Variants in GRIK2 observed in about 807,000 individuals in gnomAD.
GRIK2 encodes the protein glutamate ionotropic receptor kainate type subunit 2.
A neutral mutation model predicts 100.3 loss-of-function variants in GRIK2; 32 were observed. That is an observed-to-expected ratio of 0.32 (90% CI 0.24 to 0.43). The LOEUF (loss-of-function observed/expected upper bound fraction) is 0.43. Among genes scored for constraint, GRIK2 ranks in the 20% least tolerant of loss-of-function variants. The pLI, the probability that GRIK2 is intolerant of heterozygous loss-of-function variation, is 1.00. For missense variants in GRIK2, 843 were observed against 1,114.9 expected (o/e 0.76, Z 3.47); for synonymous variants, 417 against 389.4 (o/e 1.07, Z -0.83).
At chr6:101,932,588 T>A (rs1790360451) in intron 14 of GRIK2, among the ~76,000 whole-genome samples, 1 of 152,028 alleles carries the variant, frequency 6.6e-6, no homozygotes, top group African/African-American at 2.4e-5. Flanking sequence ...GAAGTTTTTT[T>A]TTTTTAAACT....
At chr6:101,976,534 A>T (rs913280595) in intron 14 of GRIK2, among the ~76,000 whole-genome samples, 1 of 151,878 alleles carries the variant, frequency 6.6e-6, no homozygotes, top group African/African-American at 2.4e-5. Flanking sequence ...TGTCTCTATA[A>T]AAATATTAGC....
intron 2 of GRIK2, among the ~76,000 whole-genome samples, chr6:101,522,045 C>T (rs1020271749): frequency 6.6e-6 from 1 of 151,968 alleles, no homozygotes; most frequent in Non-Finnish European, 1.5e-5. Context: ...CCTTAAGTTG[C>T]ATAACTGTAC....
At chr6:101,793,976 C>G (rs1176868733) in intron 7 of GRIK2, among the ~76,000 whole-genome samples, 3 of 152,158 alleles carry the variant, frequency 2.0e-5, no homozygotes, top group Non-Finnish European at 4.4e-5. Flanking sequence ...TCTGTGCTAG[C>G]AATCAGCGAG....
At chr6:101,692,282 C>A (rs1376039036) in intron 7 of GRIK2, among the ~76,000 whole-genome samples, 2 of 151,928 alleles carry the variant, frequency 1.3e-5, no homozygotes, top group Non-Finnish European at 2.9e-5. Context: ...ATTGGTGAAG[C>A]ATTTTGAAAA....
intron 9 of GRIK2, among the ~76,000 whole-genome samples, chr6:101,812,150 C>T (rs1200437352): frequency 6.6e-6 from 1 of 151,106 alleles, no homozygotes; most frequent in Non-Finnish European, 1.5e-5. Flanking sequence ...ACACAAAAAA[C>T]ATGAAGATAA....
intron 2 of GRIK2, among the ~76,000 whole-genome samples, chr6:101,465,055 T>C (rs1771569797): frequency 6.6e-6 from 1 of 152,220 alleles, no homozygotes; most frequent in African/African-American, 2.4e-5. Context: ...CAGGATAATA[T>C]CTGAAAGCGA....
intron 7 of GRIK2, among the ~76,000 whole-genome samples, chr6:101,737,146 A>G (rs913863484): frequency 6.6e-6 from 1 of 152,038 alleles, no homozygotes; most frequent in African/African-American, 2.4e-5. Flanking sequence ...AAGCCATTCA[A>G]CAAGTCTCTA....
intron 7 of GRIK2, among the ~76,000 whole-genome samples, chr6:101,719,008 T>C (rs1774262401): frequency 2.0e-5 from 3 of 151,974 alleles, no homozygotes; most frequent in Non-Finnish European, 4.4e-5. Context: ...TCTCAATATT[T>C]CCATCTTCTC....
chr6:101,833,485 G>A (rs367654812), intron 10 of GRIK2, among the ~76,000 whole-genome samples: 32 of 151,842 alleles, frequency 2.1e-4, no homozygotes, highest in South Asian at 4.2e-4. Flanking sequence ...CACCCACCTC[G>A]GCCTCCCAAA....
At chr6:101,738,842 A>G (rs1775846629) in intron 7 of GRIK2, among the ~76,000 whole-genome samples, 1 of 152,216 alleles carries the variant, frequency 6.6e-6, no homozygotes, top group Non-Finnish European at 1.5e-5. Flanking sequence ...AGTTTGAGAG[A>G]GAAGAAAGAC....
chr6:102,059,570 G>C (rs771320361), intron 16 of GRIK2, among the ~76,000 whole-genome samples: 2 of 150,862 alleles, frequency 1.3e-5, no homozygotes, highest in African/African-American at 4.8e-5. Context: ...GCTATAACAA[G>C]CTGCTTAATA....
chr6:101,429,049 A>G (rs1166859557), intron 2 of GRIK2, among the ~76,000 whole-genome samples: 2 of 152,230 alleles, frequency 1.3e-5, no homozygotes, highest in African/African-American at 4.8e-5. Flanking sequence ...ACCTGAGTCC[A>G]ACTTACTAAA....
chr6:101,929,222 T>C lies in GRIK2; in HGVS notation c.2085+590T>C, dbSNP rs184235335. Among the ~76,000 whole-genome samples, 11 of 152,128 alleles carry C rather than the reference T, an allele frequency of 7.2e-5. No individual in the cohort carries two copies. In the East Asian group the frequency reaches 2.1e-3, roughly 29 times the overall value. The stretch of plus-strand genomic sequence containing the variant: ...TAAATGAAAGTGTGCTTGTAAAAAG[T>C]TTCTGTCATATAGAGTGCCTTGCCC... On this transcript the variant is annotated intron_variant, in intron 14 of 16. Coordinates refer to ENST00000369134, the MANE Select transcript of GRIK2 (RefSeq NM_021956.5).
rs1415481 is a variant in GRIK2, at chr6:101,708,037, A to G, written c.951+21684A>G. 9.5e-3 allele frequency among the ~76,000 whole-genome samples: 1,449 copies of G among 151,834 alleles called. 17 individuals carry two copies. Among genetic ancestry groups the G allele is most frequent in the African/African-American group, 0.032 (1,314 of 41,494 alleles). ...AAGCAAAAATAATATATGGTTCCCA[A>G]TTGCTTTTCTGGGCATTGGGGATAC... On this transcript the variant is annotated intron_variant, in intron 7 of 16. Transcript: ENST00000369134.
chr6:101,957,230 A>G (rs1298430279), intron 14 of GRIK2, among the ~76,000 whole-genome samples: 1 of 149,442 alleles, frequency 6.7e-6, no homozygotes, highest in African/African-American at 2.5e-5. Flanking sequence ...TTTAATTTGC[A>G]TTTCTCTGAT....
At chr6:101,865,327 A>C (rs1490371995) in intron 11 of GRIK2, among the ~76,000 whole-genome samples, 1 of 152,190 alleles carries the variant, frequency 6.6e-6, no homozygotes, top group Non-Finnish European at 1.5e-5. Flanking sequence ...CAAGCCTTTT[A>C]TGATTCATAA....
At chr6:101,778,254 C>T (rs1053474437) in intron 7 of GRIK2, among the ~76,000 whole-genome samples, 1 of 152,010 alleles carries the variant, frequency 6.6e-6, no homozygotes, top group African/African-American at 2.4e-5. Flanking sequence ...GTTTAATTTG[C>T]TAGGATTCTA....
chr6:101,604,224 A>G (rs1779350272), intron 2 of GRIK2, among the ~76,000 whole-genome samples: 1 of 151,728 alleles, frequency 6.6e-6, no homozygotes, highest in African/African-American at 2.4e-5. Flanking sequence ...ATACCATTTG[A>G]AAACTCTGCT....
chr6:101,946,544 T>C (rs1188332255), intron 14 of GRIK2, among the ~76,000 whole-genome samples: 1 of 152,082 alleles, frequency 6.6e-6, no homozygotes, highest in Non-Finnish European at 1.5e-5. Flanking sequence ...AAGAAACATT[T>C]TGATTTTTAA....
Sources: gnomAD v4.1 joint callset for allele counts (sites outside exome capture counted in the v4.1 genomes callset) on GRCh38, gnomAD v4.1.1 for gene constraint, MANE v1.5 for transcripts, NCBI Gene and HGNC (gene_info 2026-07-23, HGNC 2026-07-21) for gene names.